The following ARHGEF3 variants were observed in gnomAD, a reference collection of about 807,000 sequenced individuals.
ARHGEF3 encodes the protein 59.8 kDA protein.
A neutral mutation model predicts 63.2 loss-of-function variants in ARHGEF3; 28 were observed. The ratio of observed to expected loss-of-function variants is 0.44; its 90% CI spans 0.33 to 0.61. The LOEUF is 0.61. Among genes scored for constraint, ARHGEF3 ranks in the 20% least tolerant of loss-of-function variants. The pLI is 0.03. For missense variants in ARHGEF3, 533 were observed against 659.3 expected, an observed-to-expected ratio of 0.81 and a Z score of 2.10; for synonymous variants, 266 against 254.2, an observed-to-expected ratio of 1.05 and a Z score of -0.44.
At chr3:56,907,513 C>T (rs1179224942) in intron 3 of ARHGEF3, among the ~76,000 whole-genome samples, 2 of 152,192 alleles carry the variant, frequency 1.3e-5, no homozygotes, top group Non-Finnish European at 1.5e-5. Flanking sequence ...AATCCCATTA[C>T]TGGGTATATA....
At chr3:57,066,822 C>G (rs922926430) in intron 1 of ARHGEF3, among the ~76,000 whole-genome samples, 1 of 152,158 alleles carries the variant, frequency 6.6e-6, no homozygotes, top group African/African-American at 2.4e-5. Context: ...CCTCCCAGAG[C>G]AGGAAGAATT....
chr3:56,974,893 G>GT (rs1158052077), intron 2 of ARHGEF3, among the ~76,000 whole-genome samples: 1 of 152,132 alleles, frequency 6.6e-6, no homozygotes, highest in Non-Finnish European at 1.5e-5. Flanking sequence ...TCCCGAGAGT[G>GT]TATTTTTCTA....
At chr3:57,048,925 G>A (rs1704567088) in intron 1 of ARHGEF3, among the ~76,000 whole-genome samples, 1 of 152,180 alleles carries the variant, frequency 6.6e-6, no homozygotes, top group Admixed American at 6.5e-5. Flanking sequence ...GGACGAGGAT[G>A]TCAGAGCTAG....
intron 2 of ARHGEF3, among the ~76,000 whole-genome samples, chr3:56,995,811 A>T (rs1356757029): frequency 6.6e-6 from 1 of 152,206 alleles, no homozygotes; most frequent in Non-Finnish European, 1.5e-5. Context: ...AATTTTGATG[A>T]CAAATTCAAG....
chr3:56,835,142 A>G (rs1156658798), intron 4 of ARHGEF3, among the ~76,000 whole-genome samples: 1 of 152,144 alleles, frequency 6.6e-6, no homozygotes, highest in Non-Finnish European at 1.5e-5. Context: ...TTGTGTGTTC[A>G]TAATTTTAAC....
chr3:57,033,083 C>T (rs1034866708), intron 2 of ARHGEF3, among the ~76,000 whole-genome samples: 2 of 152,158 alleles, frequency 1.3e-5, no homozygotes, highest in Non-Finnish European at 2.9e-5. Context: ...ACCCAAAAGA[C>T]TAGCAAAATT....
intron 1 of ARHGEF3, among the ~76,000 whole-genome samples, chr3:57,049,647 T>C (rs1413305591): frequency 6.6e-6 from 1 of 152,212 alleles, no homozygotes; most frequent in Non-Finnish European, 1.5e-5. Flanking sequence ...CTACCTAGAA[T>C]TGGAGTTCCA....
At position 56,754,202 on chromosome 3, in the gene ARHGEF3, C is replaced by G. The variant is rs1378209974; in HGVS notation, c.376-636G>C. Among the ~76,000 whole-genome samples, 3 of 152,196 alleles carry G rather than the reference C, an allele frequency of 2.0e-5. No homozygotes were observed. The East Asian group carries it at 5.8e-4, about 29-fold the overall frequency. On this transcript the variant is annotated intron_variant, in intron 3 of 9. Coordinates refer to ENST00000296315, the MANE Select transcript of ARHGEF3 (RefSeq NM_019555.3). ...GGAAGAGTAGGTAAATGGACCGTTT[C>G]TAATTTGGCTCTATTAAGCCATCAT...
chr3:57,005,257 C>G (rs989378332), intron 2 of ARHGEF3, among the ~76,000 whole-genome samples: 5 of 152,186 alleles, frequency 3.3e-5, no homozygotes, highest in African/African-American at 1.2e-4. Context: ...TATCATAATA[C>G]TTACCATAAT....
chr3:57,015,526 T>C (rs1279741192), intron 2 of ARHGEF3, among the ~76,000 whole-genome samples: 2 of 149,918 alleles, frequency 1.3e-5, no homozygotes, highest in African/African-American at 4.9e-5. Context: ...CTCAACATTC[T>C]GGGCTCAAGC....
intron 2 of ARHGEF3, among the ~76,000 whole-genome samples, chr3:56,987,804 T>C (rs1222668837): frequency 6.6e-6 from 1 of 152,210 alleles, no homozygotes; most frequent in African/African-American, 2.4e-5. Context: ...ACTCACAGCG[T>C]ATGCTCTCTG....
chr3:56,991,510 T>C (rs766670644), intron 2 of ARHGEF3, among the ~76,000 whole-genome samples: 25 of 152,244 alleles, frequency 1.6e-4, no homozygotes, highest in Non-Finnish European at 1.3e-4. Flanking sequence ...AGTTAAGTTG[T>C]TAACTTGTTA....
At chr3:57,002,777 CTTT>C (rs368902975) in intron 2 of ARHGEF3, among the ~76,000 whole-genome samples, 9 of 129,634 alleles carry the variant, frequency 6.9e-5, no homozygotes, top group Admixed American at 1.6e-4. Flanking sequence ...TATTTCTTTT[CTTT>C]TTTTTTTTTT....
intron 1 of ARHGEF3, among the ~76,000 whole-genome samples, chr3:57,058,421 G>T (rs1328198478): frequency 6.6e-6 from 1 of 152,150 alleles, no homozygotes; most frequent in East Asian, 1.9e-4. Context: ...TTTGTTTCAT[G>T]TCACCTGCCC....
intron 2 of ARHGEF3, among the ~76,000 whole-genome samples, chr3:56,997,635 G>C (rs1329613489): frequency 6.6e-6 from 1 of 152,158 alleles, no homozygotes; most frequent in Non-Finnish European, 1.5e-5. Flanking sequence ...CTGTTTGTGG[G>C]GGCTTTTTCA....
intron 3 of ARHGEF3, among the ~76,000 whole-genome samples, chr3:56,957,987 C>T (rs1455351999): frequency 6.6e-6 from 1 of 152,064 alleles, no homozygotes; most frequent in Non-Finnish European, 1.5e-5. Flanking sequence ...TTCAATCTGA[C>T]CCTTCCTATA....
chr3:56,842,121 T>A lies in ARHGEF3; in HGVS notation c.192+40171A>T, dbSNP rs539588919. ...AAGTTCTCGGTTACCAAGTTAGTTA[T>A]GGAGGCAAAATTTGAACTCAGTTCC... is the stretch of plus-strand genomic sequence containing the variant. On this transcript the variant is annotated intron_variant, in intron 4 of 12. Coordinates refer to the ARHGEF3 transcript ENST00000338458. Among the ~76,000 whole-genome samples the A allele has an allele frequency of 3.3e-5, 5 of 152,338 alleles. No homozygotes were observed. In the East Asian group the frequency reaches 9.6e-4, roughly 29 times the overall value.
chr3:56,831,277 C>T (rs2038923352), intron 4 of ARHGEF3, among the ~76,000 whole-genome samples: 2 of 152,230 alleles, frequency 1.3e-5, no homozygotes, highest in Admixed American at 6.5e-5. Flanking sequence ...AACCTCCATT[C>T]TGTAACTGGC....
chr3:56,901,919 C>T (rs2041523152), intron 3 of ARHGEF3, among the ~76,000 whole-genome samples: 1 of 152,046 alleles, frequency 6.6e-6, no homozygotes, highest in African/African-American at 2.4e-5. Flanking sequence ...CCAATGACAC[C>T]ATAACTCAAG....
Sources: allele counts gnomAD v4.1 joint callset (sites outside exome capture counted in the v4.1 genomes callset), GRCh38; gene constraint gnomAD v4.1.1; transcripts MANE v1.5; gene names NCBI Gene and HGNC (gene_info 2026-07-23, HGNC 2026-07-21).